PCDH15: variants seen among roughly 807,000 people sequenced by gnomAD.
PCDH15 encodes the protein protocadherin-15.
Under a neutral mutation model 178.5 loss-of-function variants are expected in PCDH15, and 129 were observed. The ratio of observed to expected loss-of-function variants is 0.72; its 90% CI spans 0.63 to 0.84. PCDH15 has a LOEUF of 0.84. PCDH15 is among the 40% of genes least tolerant of loss of function. PCDH15 has a pLI of 0.00. For missense variants in PCDH15, 2,230 were observed against 2,099.9 expected, an observed-to-expected ratio of 1.06 and a Z score of -1.21; for synonymous variants, 800 against 732.0, an observed-to-expected ratio of 1.09 and a Z score of -1.50.
At chr10:53,951,955 A>G (rs1033062527) in intron 23 of PCDH15, among the ~76,000 whole-genome samples, 1 of 152,012 alleles carries the variant, frequency 6.6e-6, no homozygotes, top group African/African-American at 2.4e-5. Flanking sequence ...GCTCCATACA[A>G]GCCAGTGGCT....
At chr10:54,519,014 C>T (rs767375060) in intron 3 of PCDH15, among the ~76,000 whole-genome samples, 4 of 152,156 alleles carry the variant, frequency 2.6e-5, no homozygotes, top group African/African-American at 7.2e-5. Context: ...TTCAACAATC[C>T]TTCATGCTAA....
chr10:55,393,143 A>G (rs1837840331), intron 2 of PCDH15, among the ~76,000 whole-genome samples: 1 of 152,124 alleles, frequency 6.6e-6, no homozygotes, highest in Admixed American at 6.6e-5. Context: ...GGCTTTAAAT[A>G]TAACACCAAT....
Position 54,635,687 on chromosome 10 carries a change from A to G in PCDH15, c.91+28485T>C, listed in dbSNP as rs115545303. ...TCAGAAGCCTAAAATAAGAAAAATT[A>G]TATATTGTTATTCACTCTCAATGTC... On this transcript the variant is annotated intron_variant, in intron 2 of 37. Coordinates refer to ENST00000644397, the MANE Select transcript of PCDH15 (RefSeq NM_001384140.1). 6.8e-3 allele frequency among the ~76,000 whole-genome samples: 1,040 copies of G among 151,994 alleles called. 9 individuals are homozygous for G. The highest frequency in any genetic ancestry group is 0.024 in the African/African-American group (1,003 of 41,540).
At chr10:54,297,426 G>A (rs557599666) in intron 8 of PCDH15, among the ~76,000 whole-genome samples, 1 of 152,238 alleles carries the variant, frequency 6.6e-6, no homozygotes, top group South Asian at 2.1e-4. Context: ...TCTGTAAGAG[G>A]GAAGGCAAAT....
chr10:55,128,973 A>T (rs1355977601), intron 2 of PCDH15, among the ~76,000 whole-genome samples: 1 of 152,078 alleles, frequency 6.6e-6, no homozygotes, highest in East Asian at 1.9e-4. Flanking sequence ...AGTAGCCATG[A>T]TCTGTACATC....
In PCDH15 at chr10:55,400,437, CAG is replaced by C. The variant is rs1197785660; in HGVS notation, c.-156+227186_-156+227187del. Among the ~76,000 whole-genome samples the C allele has an allele frequency of 2.0e-5, 3 of 152,262 alleles. No individual in the cohort carries two copies. The East Asian group carries it at 5.8e-4, about 29-fold the overall frequency. On this transcript the variant is annotated intron_variant, in intron 2 of 5. Transcript: ENST00000613346. ...CCACGTAACCTAGCATGCATTCTAA[CAG>C]AGTGTTTCCTAACATATTCACTACA...
intron 1 of PCDH15, among the ~76,000 whole-genome samples, chr10:54,778,142 G>A (rs992923576): frequency 2.0e-5 from 3 of 152,150 alleles, no homozygotes; most frequent in African/African-American, 7.2e-5. Context: ...ATCTTCTGAT[G>A]CTAGAAAAGC....
chr10:54,527,948 AGAT>A, intron 2 of PCDH15, 71 bp from the exon 3 acceptor site: 1 of 1,175,446 alleles, frequency 8.5e-7, no homozygotes, highest in South Asian at 1.3e-5. Context: ...AAATTCATTG[AGAT>A]GTATATTAAT....
chr10:54,371,396 T>C (rs1276712321), intron 4 of PCDH15, among the ~76,000 whole-genome samples: 1 of 151,766 alleles, frequency 6.6e-6, no homozygotes, highest in Non-Finnish European at 1.5e-5. Context: ...TTATAACAGG[T>C]ACCATTTTAC....
chr10:54,926,351 G>A (rs1363545261), intron 2 of PCDH15, among the ~76,000 whole-genome samples: 1 of 152,086 alleles, frequency 6.6e-6, no homozygotes, highest in Non-Finnish European at 1.5e-5. Flanking sequence ...TGGTCTGCCA[G>A]TATTTTGCTG....
chr10:54,379,973 AAAG>A (rs1027439274), intron 3 of PCDH15, among the ~76,000 whole-genome samples: 4 of 152,104 alleles, frequency 2.6e-5, no homozygotes, highest in African/African-American at 9.7e-5. Context: ...TATAACGAAA[AAAG>A]TATCTGTTGC....
At chr10:54,103,339 T>C (rs1040242203) in intron 15 of PCDH15, among the ~76,000 whole-genome samples, 5 of 152,166 alleles carry the variant, frequency 3.3e-5, no homozygotes, top group African/African-American at 1.2e-4. Flanking sequence ...GCCTCTGCTG[T>C]CCATTATGGT....
chr10:55,152,732 T>C (rs570793713), intron 2 of PCDH15, among the ~76,000 whole-genome samples: 2 of 152,250 alleles, frequency 1.3e-5, no homozygotes, highest in East Asian at 3.9e-4. Flanking sequence ...ATATCTTAAT[T>C]TGATATTTAA....
chr10:54,106,601 A>T (rs1190611498), intron 15 of PCDH15, among the ~76,000 whole-genome samples: 2 of 152,368 alleles, frequency 1.3e-5, no homozygotes, highest in African/African-American at 4.8e-5. Context: ...TACTGAAGCC[A>T]CAAAAGTATA....
chr10:54,272,459 A>G (rs1448065235), intron 8 of PCDH15, among the ~76,000 whole-genome samples: 1 of 152,092 alleles, frequency 6.6e-6, no homozygotes, highest in East Asian at 1.9e-4. Flanking sequence ...TCTGTCAGAT[A>G]TGGTAATTTG....
intron 8 of PCDH15, among the ~76,000 whole-genome samples, chr10:54,254,699 A>G (rs10825284): frequency 0.62 from 93,857 of 152,034 alleles, 30,503 homozygotes; most frequent in Middle Eastern, 0.74. Context: ...AATTATCATG[A>G]CCTAAATTTG....
chr10:54,566,392 C>T (rs2089035894), intron 2 of PCDH15, among the ~76,000 whole-genome samples: 1 of 152,102 alleles, frequency 6.6e-6, no homozygotes, highest in Non-Finnish European at 1.5e-5. Context: ...GTGTTTTACA[C>T]TCTGTGGCTT....
intron 2 of PCDH15, among the ~76,000 whole-genome samples, chr10:55,387,517 T>C (rs988281629): frequency 1.3e-5 from 2 of 152,110 alleles, no homozygotes; most frequent in Admixed American, 1.3e-4. Flanking sequence ...AACAGTTGGA[T>C]AGTTCTATTT....
intron 1 of PCDH15, among the ~76,000 whole-genome samples, chr10:55,214,483 C>A (rs1208401489): frequency 6.6e-6 from 1 of 151,186 alleles, no homozygotes; most frequent in Non-Finnish European, 1.5e-5. Context: ...GGAATTAGAA[C>A]TTTTATCATA....
Sources: gnomAD v4.1 joint callset for allele counts (sites outside exome capture counted in the v4.1 genomes callset) on GRCh38, gnomAD v4.1.1 for gene constraint, MANE v1.5 for transcripts, NCBI Gene and HGNC (gene_info 2026-07-23, HGNC 2026-07-21) for gene names.